MARS1: variants seen among roughly 807,000 people sequenced by gnomAD.
MARS1 encodes methionyl-tRNA synthetase 1.
Under a neutral mutation model 119.5 loss-of-function variants are expected in MARS1, and 80 were observed. That is an observed-to-expected ratio of 0.67 (90% CI 0.56 to 0.81). The LOEUF (loss-of-function observed/expected upper bound fraction) is 0.81. Ranked by LOEUF, MARS1 falls within the 30% of genes least tolerant of loss-of-function variation. The pLI, the probability that MARS1 is intolerant of heterozygous loss-of-function variation, is 0.00. For missense variants in MARS1, 945 were observed against 1,116.5 expected, an observed-to-expected ratio of 0.85 and a Z score of 2.19; for synonymous variants, 418 against 433.4, an observed-to-expected ratio of 0.96 and a Z score of 0.44.
chr12:57,490,457 T>A (rs780358521), intron 6 of MARS1, 78 bp downstream of exon 6: 2 of 1,607,944 alleles, frequency 1.2e-6, no homozygotes, highest in Admixed American at 1.7e-5. Context: ...CCACTAACTT[T>A]TTCAGGTAGT....
At chr12:57,508,672 C>T (rs1295968949) in intron 11 of MARS1, among the ~76,000 whole-genome samples, 3 of 75,998 alleles carry the variant, frequency 3.9e-5, no homozygotes, top group Non-Finnish European at 9.7e-5. Flanking sequence ...AGAGGGAGAC[C>T]GTGGGGAGAG....
At chr12:57,500,831 A>G (rs1876884773) in intron 10 of MARS1, among the ~76,000 whole-genome samples, 2 of 152,230 alleles carry the variant, frequency 1.3e-5, no homozygotes, top group South Asian at 4.1e-4. Flanking sequence ...CTTCTCTTCT[A>G]GCCATTTGTT....
chr12:57,490,991 C>T (rs755126044), intron 7 of MARS1, among the ~76,000 whole-genome samples: 8 of 151,250 alleles, frequency 5.3e-5, no homozygotes, highest in Non-Finnish European at 1.2e-4. Context: ...AGTCTCCTGC[C>T]TTAGCCTCCC....
chr12:57,511,086 ATCC>A (rs1446256502), intron 11 of MARS1, among the ~76,000 whole-genome samples: 6 of 151,994 alleles, frequency 3.9e-5, no homozygotes, highest in Non-Finnish European at 7.4e-5. Context: ...AGATTAGCAC[ATCC>A]TCTGCACAAG....
At position 57,512,097 on chromosome 12, in the gene MARS1, A is replaced by T. The variant is rs765318165; in HGVS notation, c.1629A>T (p.Pro543=). ...TDQWERWWKN[P]EQVDLYQFMA... ...AGTGGGAGAGATGGTGGAAGAACCC[A>T]GAGCAAGTGAGCAGTTCTTGGTTAG... Residue 543 remains proline (P), a synonymous_variant, in exon 13 of 21, where the codon CCA becomes CCT. Transcript: ENST00000262027. 6.2e-7 allele frequency: 1 copy of T among 1,614,160 alleles called. No individual in the cohort carries two copies. The highest frequency in any genetic ancestry group is 8.5e-7 in the Non-Finnish European group (1 of 1,179,980).
In MARS1 at chr12:57,500,401, A is replaced by G. The variant is rs780935468; in HGVS notation, c.1172A>G (p.His391Arg). Residue 391 changes from histidine (H) to arginine (R), a missense_variant, in exon 10 of 21, where the codon CAC (histidine) becomes CGC (arginine). By Grantham distance (29) the His-to-Arg change is conservative (BLOSUM62 0). Transcript: ENST00000262027. ...ACTGTGGAGCAACTGCGATGTGAGC[A>G]CTGTGCTCGCTTCCTGGCTGACCGC... is the stretch of plus-strand genomic sequence containing the variant. ...QDTVEQLRCE[H>R]CARFLADRFV... 4 of 1,614,198 alleles carry G rather than the reference A, an allele frequency of 2.5e-6. No homozygotes were observed. The South Asian group carries it at 4.4e-5, about 18-fold the overall frequency.
chr12:57,511,147 A>AC lies in MARS1; in HGVS notation c.1369-551_1369-550insC, dbSNP rs1877494751. Among the ~76,000 whole-genome samples the AC allele has an allele frequency of 1.3e-5, 2 of 151,610 alleles. 1 individual carries two copies. Among genetic ancestry groups the AC allele is most frequent in the South Asian group, 4.2e-4 (2 of 4,782 alleles). Reference sequence around the variant, plus strand: ...TGTTCCATATTTTTAAAAATTAAAAAAAAAAAAATTTTTTTTAGGGACAGG... The same window carrying AC: ...TGTTCCATATTTTTAAAAATTAAAAACAAAAAAAATTTTTTTTAGGGACAGG... On this transcript the variant is annotated intron_variant, in intron 11 of 20. Coordinates refer to ENST00000262027, the MANE Select transcript of MARS1 (RefSeq NM_004990.4).
At chr12:57,490,969 C>T (rs780277627) in intron 7 of MARS1, among the ~76,000 whole-genome samples, 3 of 150,670 alleles carry the variant, frequency 2.0e-5, no homozygotes, top group Admixed American at 6.6e-5. Flanking sequence ...CTCCGCCTCC[C>T]GGGTTCAAGC....
chr12:57,504,552 GTC>G (rs976369973), intron 11 of MARS1, among the ~76,000 whole-genome samples: 5 of 151,846 alleles, frequency 3.3e-5, no homozygotes, highest in South Asian at 2.1e-4. Context: ...GTATTTTTAT[GTC>G]TCTCTTTTTT....
chr12:57,515,305 G>A lies in MARS1; in HGVS notation c.2360G>A (p.Cys787Tyr), dbSNP rs1161861440. 5 of 1,613,478 alleles carry A rather than the reference G, an allele frequency of 3.1e-6. No individual in the cohort carries two copies. The highest frequency in any genetic ancestry group is 1.3e-5 in the African/African-American group (1 of 75,038). ...ACSILLTNFLCTLPAGHQIGT... is the reference protein window; with the variant it reads ...ACSILLTNFLYTLPAGHQIGT... ...AGTATCCTGCTGACAAACTTCCTGT[G>A]TACCTTACCAGCAGGACACCAGATT... Residue 787 changes from cysteine (C) to tyrosine (Y), a missense_variant, in exon 18 of 21, where the codon TGT (cysteine) becomes TAT (tyrosine). Transcript: ENST00000262027.
In MARS1 at chr12:57,493,471, A is replaced by ATAT. The variant is rs1555166123; in HGVS notation, c.770+2828_770+2830dup. Among the ~76,000 whole-genome samples the ATAT allele has an allele frequency of 6.6e-3, 2 of 302 alleles. 1 individual carries two copies. Among genetic ancestry groups the ATAT allele is most frequent in the South Asian group, 0.5 (2 of 4 alleles). The allele number at this position is 302 out of a possible 152,430, so 0.2% of individuals were successfully genotyped here. A position where few individuals can be genotyped will look rare whatever the true frequency, so the allele number is the denominator to read the frequency against. ...TATATAATATATTATAATATATAATATATAATATATAATATATAATATATT... is the reference window on the plus strand; with the variant it reads ...TATATAATATATTATAATATATAATATATTATAATATATAATATATAATATATT... On this transcript the variant is annotated intron_variant, in intron 7 of 20. Transcript: ENST00000262027.
intron 10 of MARS1, among the ~76,000 whole-genome samples, chr12:57,500,904 C>T (rs1876886650): frequency 6.6e-6 from 1 of 152,214 alleles, no homozygotes; most frequent in African/African-American, 2.4e-5. Flanking sequence ...AGGCCAATTA[C>T]AATTCTGCGT....
Position 57,488,177 on chromosome 12 carries a change from C to T in MARS1, c.87C>T (p.Leu29=), listed in dbSNP as rs755807464. The part of the protein sequence containing the change: ...AGRARGRAEV[L]ISTVGPEDCV... ...GAGCCCGGGGCAGAGCAGAGGTGCT[C>T]ATCAGCACTGTAGGCCCGGAAGGTA... The change falls in exon 1 of 21, where the codon CTC becomes CTT. Residue 29 remains leucine, a synonymous_variant. Transcript: ENST00000262027. 9.3e-6 allele frequency: 15 copies of T among 1,613,878 alleles called. No individual in the cohort carries two copies. Among genetic ancestry groups the T allele is most frequent in the Non-Finnish European group, 1.2e-5 (14 of 1,179,926 alleles).
At chr12:57,495,411 G>T (rs1024839696) in intron 7 of MARS1, among the ~76,000 whole-genome samples, 10 of 145,930 alleles carry the variant, frequency 6.9e-5, no homozygotes, top group Non-Finnish European at 1.2e-4. Flanking sequence ...CGGGGCGGCG[G>T]GGCAGAGGCG....
intron 11 of MARS1, 34 bp downstream of exon 11, chr12:57,504,333 G>A (rs763505128): frequency 6.3e-7 from 1 of 1,577,334 alleles, no homozygotes; most frequent in East Asian, 2.2e-5. Context: ...TAGTTTTCAG[G>A]AGGCCTCTTC....
chr12:57,515,111 T>C (rs554679819), intron 17 of MARS1, 39 bp from the exon 18 acceptor site: 2 of 1,614,010 alleles, frequency 1.2e-6, no homozygotes, highest in Non-Finnish European at 1.7e-6. Flanking sequence ...GTAAGCTGTA[T>C]CCTCCTGGAG....
At chr12:57,510,621 A>AT (rs1031708549) in intron 11 of MARS1, among the ~76,000 whole-genome samples, 16 of 147,586 alleles carry the variant, frequency 1.1e-4, no homozygotes, top group South Asian at 2.2e-4. Context: ...AAAAAAGAAA[A>AT]TTTTTTTTTT....
Position 57,512,045 on chromosome 12 carries a change from T to G in MARS1, c.1577T>G (p.Leu526Arg). ...TGGTTTGATGCCACTATTGGCTATCTGTCCATCACAGCCAACTACACAGAC... is the reference window on the plus strand; with the variant it reads ...TGGTTTGATGCCACTATTGGCTATCGGTCCATCACAGCCAACTACACAGAC... ...YVWFDATIGY[L>R]SITANYTDQW... The change falls in exon 13 of 21, where the codon CTG becomes CGG. Residue 526 changes from leucine (L) to arginine (R), a missense_variant. Leu to Arg is a moderately radical substitution (Grantham distance 102, BLOSUM62 -2). Transcript: ENST00000262027. 6.2e-7 allele frequency: 1 copy of G among 1,614,242 alleles called. No homozygotes were observed. The highest frequency in any genetic ancestry group is 8.5e-7 in the Non-Finnish European group (1 of 1,180,040).
At chr12:57,504,760 A>G (rs1199382910) in intron 11 of MARS1, among the ~76,000 whole-genome samples, 1 of 143,636 alleles carries the variant, frequency 7.0e-6, no homozygotes, top group East Asian at 2.0e-4. Context: ...CTGGTGTGCA[A>G]TGGCGCACTC....
Sources: allele counts gnomAD v4.1 joint callset (sites outside exome capture counted in the v4.1 genomes callset), GRCh38; gene constraint gnomAD v4.1.1; transcripts MANE v1.5; gene names NCBI Gene and HGNC (gene_info 2026-07-23, HGNC 2026-07-21).